The following OSBPL10 variants were observed in gnomAD, a reference collection of about 807,000 sequenced individuals.
OSBPL10 encodes oxysterol binding protein like 10.
OSBPL10 carries 49 observed loss-of-function variants against 81.7 expected under a neutral mutation model. The observed-to-expected ratio is 0.60, with a 90% CI of 0.48 to 0.76. OSBPL10 has a LOEUF of 0.76. Among genes scored for constraint, OSBPL10 ranks in the 30% least tolerant of loss-of-function variants. The pLI, the probability that OSBPL10 is intolerant of heterozygous loss-of-function variation, is 0.00. For synonymous variants in OSBPL10, 419 were observed against 383.6 expected (o/e 1.09, Z -1.08); for missense variants, 923 against 987.8 (o/e 0.93, Z 0.88).
At chr3:31,704,695 T>G (rs1193779786) in intron 6 of OSBPL10, 1 of 152,180 alleles carries the variant, frequency 6.6e-6, no homozygotes, top group Non-Finnish European at 1.5e-5. Context: ...TGATTCATTC[T>G]TCTAAAGCTG....
chr3:31,671,352 G>A (rs1186275321), intron 8 of OSBPL10, among the ~76,000 whole-genome samples: 3 of 152,174 alleles, frequency 2.0e-5, no homozygotes, highest in Non-Finnish European at 4.4e-5. Flanking sequence ...ATGAACAGGG[G>A]AAGGAAGAGT....
At chr3:31,936,690 G>C (rs1166164403) in intron 1 of OSBPL10, among the ~76,000 whole-genome samples, 1 of 151,336 alleles carries the variant, frequency 6.6e-6, no homozygotes, top group Non-Finnish European at 1.5e-5. Context: ...TTTATTTCCT[G>C]AAGAAAAAAA....
chr3:31,697,336 G>A (rs1444412408), intron 7 of OSBPL10, among the ~76,000 whole-genome samples: 1 of 152,126 alleles, frequency 6.6e-6, no homozygotes. Flanking sequence ...AAGACCAGCA[G>A]AAGAGCTGCC....
At chr3:31,957,934 C>T (rs1698057371) in intron 1 of OSBPL10, among the ~76,000 whole-genome samples, 1 of 152,192 alleles carries the variant, frequency 6.6e-6, no homozygotes, top group Admixed American at 6.5e-5. Context: ...CCACCGCACC[C>T]GGCCAGATTC....
chr3:31,771,579 G>C (rs1330962087), intron 4 of OSBPL10, among the ~76,000 whole-genome samples: 3 of 152,106 alleles, frequency 2.0e-5, no homozygotes, highest in Non-Finnish European at 4.4e-5. Flanking sequence ...GGGGTATAAA[G>C]GAACTCCCCA....
At position 31,737,999 on chromosome 3, in the gene OSBPL10, C is replaced by CA. The variant is rs750366140; in HGVS notation, c.941-4589dup. Among the ~76,000 whole-genome samples the CA allele has an allele frequency of 2.3e-3, 217 of 96,042 alleles. 1 individual carries two copies. Among genetic ancestry groups the CA allele is most frequent in the East Asian group, 0.01 (22 of 2,176 alleles). 63.0% of individuals were successfully genotyped at this position (96,042 alleles called of 152,430 possible). A position where few individuals can be genotyped will look rare whatever the true frequency, so the allele number is the denominator to read the frequency against. ...TGGGTGACACAGCAAGACTCTGTCT[C>CA]AAAAAAAAAAAAAAGAAAGACAATA... On this transcript the variant is annotated intron_variant, in intron 5 of 11. Coordinates refer to ENST00000396556, the MANE Select transcript of OSBPL10 (RefSeq NM_017784.5).
At chr3:31,760,857 T>C (rs183849632) in intron 4 of OSBPL10, among the ~76,000 whole-genome samples, 1 of 152,334 alleles carries the variant, frequency 6.6e-6, no homozygotes, top group East Asian at 1.9e-4. Flanking sequence ...ATTACGATGA[T>C]GTTTAACTTT....
At chr3:31,902,800 G>A (rs111651127) in intron 1 of OSBPL10, among the ~76,000 whole-genome samples, 154 of 152,186 alleles carry the variant, frequency 1.0e-3, no homozygotes, top group African/African-American at 3.6e-3. Flanking sequence ...TCCTGACCTC[G>A]TGATCCACCC....
At chr3:31,894,738 G>A (rs1238265650) in intron 1 of OSBPL10, among the ~76,000 whole-genome samples, 2 of 152,096 alleles carry the variant, frequency 1.3e-5, no homozygotes, top group Admixed American at 6.6e-5. Context: ...ATTGATTAGC[G>A]GTCTGAAACC....
chr3:31,928,633 G>A (rs999895347), intron 1 of OSBPL10, among the ~76,000 whole-genome samples: 6 of 151,894 alleles, frequency 4.0e-5, no homozygotes, highest in Non-Finnish European at 4.4e-5. Flanking sequence ...AAAATCAGCC[G>A]GGCATGGTGG....
chr3:31,823,796 C>T (rs953107426), intron 4 of OSBPL10, among the ~76,000 whole-genome samples: 1 of 151,766 alleles, frequency 6.6e-6, no homozygotes, highest in African/African-American at 2.4e-5. Flanking sequence ...GTGCACATTT[C>T]GAAGCTCATT....
chr3:32,019,708 A>T (rs1406194864), intron 2 of OSBPL10, among the ~76,000 whole-genome samples: 1 of 152,236 alleles, frequency 6.6e-6, no homozygotes, highest in African/African-American at 2.4e-5. Context: ...ATTTTTAATG[A>T]TGCAATTATA....
intron 2 of OSBPL10, among the ~76,000 whole-genome samples, chr3:31,876,903 CTTT>C (rs35788348): frequency 8.7e-4 from 115 of 131,740 alleles, no homozygotes; most frequent in African/African-American, 3.0e-3. Flanking sequence ...TCAAATGGCA[CTTT>C]TTTTTTTTTT....
rs151271206 is a variant in OSBPL10, at chr3:31,791,497, C to T, written c.729+38543G>A. 8.5e-5 allele frequency among the ~76,000 whole-genome samples: 13 copies of T among 152,302 alleles called. No individual in the cohort carries two copies. In the East Asian group the frequency reaches 2.3e-3, roughly 27 times the overall value. On this transcript the variant is annotated intron_variant, in intron 4 of 11. Transcript: ENST00000396556. ...CTTGCATCATTTTTATAAGCATTCA[C>T]AGCAGGATCAATTCAGTCTTATGCC... is the stretch of plus-strand genomic sequence containing the variant.
intron 5 of OSBPL10, among the ~76,000 whole-genome samples, chr3:31,743,059 T>TAG (rs1697404866): frequency 1.2e-5 from 1 of 83,188 alleles, no homozygotes; most frequent in Non-Finnish European, 2.4e-5. Flanking sequence ...TTTTTTTTTT[T>TAG]AGAGAGAGTC....
At chr3:31,685,336 G>C (rs1700763931) in intron 7 of OSBPL10, among the ~76,000 whole-genome samples, 1 of 152,140 alleles carries the variant, frequency 6.6e-6, no homozygotes, top group Non-Finnish European at 1.5e-5. Context: ...CTGAGTAGCT[G>C]GGACTACAGG....
At chr3:31,924,288 G>A (rs1174509526) in intron 1 of OSBPL10, among the ~76,000 whole-genome samples, 1 of 152,026 alleles carries the variant, frequency 6.6e-6, no homozygotes, top group African/African-American at 2.4e-5. Context: ...ACTCTGGAGT[G>A]GAAAAGGAAA....
intron 1 of OSBPL10, among the ~76,000 whole-genome samples, chr3:32,074,527 T>C (rs1699858136): frequency 6.6e-6 from 1 of 152,156 alleles, no homozygotes; most frequent in South Asian, 2.1e-4. Flanking sequence ...CTGAAAAACA[T>C]TGGCAGTCAC....
chr3:31,697,130 C>A (rs79717485), intron 7 of OSBPL10, among the ~76,000 whole-genome samples: 8,024 of 152,266 alleles, frequency 0.053, 694 homozygotes, highest in African/African-American at 0.18. Context: ...CAGTTTGGGG[C>A]CTAAGTCTTA....
Sources: allele counts gnomAD v4.1 joint callset (sites outside exome capture counted in the v4.1 genomes callset), GRCh38; gene constraint gnomAD v4.1.1; transcripts MANE v1.5; gene names NCBI Gene and HGNC (gene_info 2026-07-23, HGNC 2026-07-21).